Variants in PPP2R2C observed in about 807,000 individuals in gnomAD.
PPP2R2C encodes the protein protein phosphatase 2, regulatory subunit B, gamma.
Under a neutral mutation model 45.3 loss-of-function variants are expected in PPP2R2C, and 10 were observed. That is an observed-to-expected ratio of 0.22 (90% CI 0.14 to 0.37). The LOEUF (loss-of-function observed/expected upper bound fraction) is 0.37, where lower values mean the gene tolerates loss of function less well. PPP2R2C is among the 10% of genes least tolerant of loss of function. The pLI, the probability that PPP2R2C is intolerant of heterozygous loss-of-function variation, is 1.00. For synonymous variants in PPP2R2C, 257 were observed against 245.4 expected, an observed-to-expected ratio of 1.05 and a Z score of -0.44; for missense variants, 308 against 619.7, an observed-to-expected ratio of 0.50 and a Z score of 5.34.
chr4:6,507,337 A>G (rs1221548479), intron 2 of PPP2R2C, among the ~76,000 whole-genome samples: 1 of 152,226 alleles, frequency 6.6e-6, no homozygotes, highest in Non-Finnish European at 1.5e-5. Flanking sequence ...CATTGGGAAC[A>G]TCAAGGCCTT....
At position 6,385,430 on chromosome 4, in the gene PPP2R2C, G is replaced by A. The variant is rs142911917; in HGVS notation, c.71-4336C>T. Among the ~76,000 whole-genome samples, 58 of 152,268 alleles carry A rather than the reference G, an allele frequency of 3.8e-4. No individual in the cohort carries two copies. In the East Asian group the frequency reaches 0.011, roughly 28 times the overall value. On this transcript the variant is annotated intron_variant, in intron 1 of 8. Transcript: ENST00000382599. ...ATTGGTTGTTTTGGCAGCCACCTCT[G>A]TGAAGAAAGTCCATCTTCTCATCTT...
chr4:6,431,734 C>A (rs1032903506), intron 1 of PPP2R2C, among the ~76,000 whole-genome samples: 1 of 152,196 alleles, frequency 6.6e-6, no homozygotes, highest in African/African-American at 2.4e-5. Context: ...GACCCTGGAC[C>A]TCTAAGACCC....
chr4:6,530,227 C>T (rs978256388), intron 2 of PPP2R2C, among the ~76,000 whole-genome samples: 1 of 152,124 alleles, frequency 6.6e-6, no homozygotes, highest in Admixed American at 6.5e-5. Flanking sequence ...GAAAAAGCAC[C>T]CACTTGTAAC....
chr4:6,333,921 A>G (rs1226526512), intron 6 of PPP2R2C, among the ~76,000 whole-genome samples, 190 bp from the exon 7 acceptor site: 1 of 152,154 alleles, frequency 6.6e-6, no homozygotes, highest in Non-Finnish European at 1.5e-5. Context: ...AGAAATAGCC[A>G]TTACTATCCC....
Position 6,472,240 on chromosome 4 carries a change from G to A in PPP2R2C, c.-11C>T. On this transcript the variant is annotated 5_prime_UTR_variant, in exon 1 of 9. Transcript: ENST00000382599. ...CGTGTCCTCGCCCATTGAAGGCCGTGCCCGGTGCTCTGGGCATGCCCCGCC... is the reference window on the plus strand; with the variant it reads ...CGTGTCCTCGCCCATTGAAGGCCGTACCCGGTGCTCTGGGCATGCCCCGCC... The A allele has an allele frequency of 6.2e-7, 1 of 1,612,442 alleles. No homozygotes were observed. Among genetic ancestry groups the A allele is most frequent in the Non-Finnish European group, 8.5e-7 (1 of 1,179,012 alleles).
chr4:6,473,631 C>T (rs575270932), upstream of PPP2R2C, among the ~76,000 whole-genome samples: 2 of 152,324 alleles, frequency 1.3e-5, no homozygotes, highest in East Asian at 1.9e-4. Flanking sequence ...TCAGTGGAGC[C>T]ATGCTCCAGG....
intron 5 of PPP2R2C, 87 bp downstream of exon 5, chr4:6,372,436 A>T: frequency 7.0e-7 from 1 of 1,420,124 alleles, no homozygotes; most frequent in Non-Finnish European, 9.8e-7. Context: ...TCCCCAAACC[A>T]GCTGTCTGCC....
chr4:6,441,656 C>T (rs925841366), intron 1 of PPP2R2C, among the ~76,000 whole-genome samples: 5 of 152,314 alleles, frequency 3.3e-5, no homozygotes, highest in South Asian at 4.1e-4. Context: ...TGCCCAGATC[C>T]GAGGCCTCTG....
At chr4:6,382,964 G>C (rs914338824) in intron 1 of PPP2R2C, 5 of 1,070,582 alleles carry the variant, frequency 4.7e-6, no homozygotes, top group Non-Finnish European at 4.5e-6. Flanking sequence ...CCCACCTGCC[G>C]AGGCCCAGGT....
chr4:6,537,022 G>T (rs1483454859), intron 1 of PPP2R2C, among the ~76,000 whole-genome samples: 2 of 152,120 alleles, frequency 1.3e-5, no homozygotes, highest in Non-Finnish European at 2.9e-5. Context: ...GGCCAACATG[G>T]TGAAACCCTG....
intron 1 of PPP2R2C, among the ~76,000 whole-genome samples, chr4:6,393,777 G>C (rs544354458): frequency 6.6e-6 from 1 of 152,206 alleles, no homozygotes; most frequent in Non-Finnish European, 1.5e-5. Flanking sequence ...AGATGGGCCT[G>C]GGGGAGGTGG....
intron 5 of PPP2R2C, chr4:6,348,983 T>G (rs6827050): frequency 0.97 from 956,803 of 982,630 alleles, 467,938 homozygotes; most frequent in East Asian, 1. Context: ...CCAGGTGTGA[T>G]TGGTAAGGCT....
chr4:6,398,701 C>T (rs115885389), intron 1 of PPP2R2C, among the ~76,000 whole-genome samples: 9 of 152,230 alleles, frequency 5.9e-5, no homozygotes, highest in African/African-American at 2.2e-4. Context: ...TTTCTTAAAG[C>T]GTGAAAATAA....
intron 1 of PPP2R2C, among the ~76,000 whole-genome samples, chr4:6,385,498 A>G (rs1311472583): frequency 6.6e-6 from 1 of 152,038 alleles, no homozygotes; most frequent in Non-Finnish European, 1.5e-5. Flanking sequence ...CTCCTCCAGG[A>G]AGCCTTCCTG....
chr4:6,397,429 T>C (rs1717112874), intron 1 of PPP2R2C, among the ~76,000 whole-genome samples: 1 of 152,038 alleles, frequency 6.6e-6, no homozygotes, highest in Non-Finnish European at 1.5e-5. Flanking sequence ...GCTGCGGGGG[T>C]CTCCCGGCCA....
At chr4:6,325,769 T>C (rs367754048) in intron 8 of PPP2R2C, among the ~76,000 whole-genome samples, 413 of 152,218 alleles carry the variant, frequency 2.7e-3, no homozygotes, top group South Asian at 0.017. Context: ...AAGGTTCCCT[T>C]AACAGGGAAA....
upstream of PPP2R2C, among the ~76,000 whole-genome samples, chr4:6,475,625 T>A (rs1722114689): frequency 6.6e-6 from 1 of 152,060 alleles, no homozygotes; most frequent in Non-Finnish European, 1.5e-5. Flanking sequence ...GTTCTCGTGG[T>A]CTCACCCTGT....
Position 6,563,039 on chromosome 4 carries a change from G to T in PPP2R2C, c.-59+521C>A, listed in dbSNP as rs1725632402. Among the ~76,000 whole-genome samples the T allele has an allele frequency of 6.6e-6, 1 of 152,130 alleles. No individual in the cohort carries two copies. The highest frequency in any genetic ancestry group is 2.4e-5 in the African/African-American group (1 of 41,412). On this transcript the variant is annotated intron_variant, in intron 1 of 9. Coordinates refer to the PPP2R2C transcript ENST00000506140. This position sits in a 1 kb window ranked among gnomAD's most constrained non-coding sequence, Gnocchi z 5.8. ...TCAGCACCCACCGGCGCGGGCAGCG[G>T]GAGGAGCGCGTAGACGCTGCTGGAT...
In PPP2R2C at chr4:6,372,520, T is replaced by C. The variant is rs1438085647; in HGVS notation, c.625+3A>G. 2.5e-6 allele frequency: 4 copies of C among 1,613,840 alleles called. No homozygotes were observed. Among genetic ancestry groups the C allele is most frequent in the Non-Finnish European group, 3.4e-6 (4 of 1,179,816 alleles). On this transcript the variant is annotated splice_donor_region_variant and intron_variant, in intron 5 of 8. Coordinates refer to ENST00000382599, the MANE Select transcript of PPP2R2C (RefSeq NM_020416.4). ...GCACTGGCCAGGCCACAGTGAAGGA[T>C]ACTGAAGCTCCTGTCGGTGATGGCC...
Sources: gnomAD v4.1 joint callset for allele counts (sites outside exome capture counted in the v4.1 genomes callset) on GRCh38, gnomAD v4.1.1 for gene constraint, Gnocchi (gnomAD v3.1) non-coding constraint, MANE v1.5 for transcripts, NCBI Gene and HGNC (gene_info 2026-07-23, HGNC 2026-07-21) for gene names.